The following SIK3 variants were observed in gnomAD, a reference collection of about 807,000 sequenced individuals.
SIK3 encodes the protein SIK family kinase 3.
A neutral mutation model predicts 144.2 loss-of-function variants in SIK3; 28 were observed. The observed-to-expected ratio is 0.19, with a 90% confidence interval of 0.14 to 0.27. SIK3 has a LOEUF of 0.27. Among genes scored for constraint, SIK3 ranks in the 10% least tolerant of loss-of-function variants. The pLI is 1.00. For synonymous variants in SIK3, 686 were observed against 676.3 expected, an observed-to-expected ratio of 1.01 and a Z score of -0.22; for missense variants, 1,319 against 1,776.0, an observed-to-expected ratio of 0.74 and a Z score of 4.62.
At chr11:117,014,929 T>C (rs989444344) in intron 1 of SIK3, among the ~76,000 whole-genome samples, 1 of 152,030 alleles carries the variant, frequency 6.6e-6, no homozygotes, top group African/African-American at 2.4e-5. Context: ...CCGATCACGA[T>C]AGTGTGCACC....
intron 1 of SIK3, among the ~76,000 whole-genome samples, chr11:116,984,930 G>A (rs1950276444): frequency 6.6e-6 from 1 of 152,138 alleles, no homozygotes; most frequent in Non-Finnish European, 1.5e-5. Context: ...CCCAAATAGG[G>A]ACCTACAAAA....
At chr11:117,048,502 C>T (rs1426420243) in intron 1 of SIK3, among the ~76,000 whole-genome samples, 6 of 151,882 alleles carry the variant, frequency 4.0e-5, no homozygotes, top group Non-Finnish European at 7.4e-5. Flanking sequence ...GCTAAAAATA[C>T]AAAATTAGCC....
intron 1 of SIK3, among the ~76,000 whole-genome samples, chr11:117,037,877 T>A (rs1952582003): frequency 6.6e-6 from 1 of 152,222 alleles, no homozygotes; most frequent in Non-Finnish European, 1.5e-5. Flanking sequence ...AGAAACAAGT[T>A]AATTCCTATG....
At position 116,875,964 on chromosome 11, in the gene SIK3, G is replaced by C. The variant is rs369217424; in HGVS notation, c.1141C>G (p.Leu381Val). The C allele has an allele frequency of 5.0e-5, 80 of 1,613,604 alleles. No individual in the cohort carries two copies. The highest frequency in any genetic ancestry group is 6.4e-5 in the Non-Finnish European group (76 of 1,179,920). Residue 381 changes from leucine to valine, a missense_variant, in exon 9 of 25, where the codon CTG becomes GTG. Transcript: ENST00000445177. Reference protein sequence around the residue: ...AYDHYSAIYSLLCDRHKRHKT... With the variant: ...AYDHYSAIYSVLCDRHKRHKT... ...TGTCTCTTATGTCGATCACACAGCA[G>C]GCTGTAGATTGCACTATAGTGATCA...
chr11:116,912,355 G>T (rs1300062471), intron 4 of SIK3, among the ~76,000 whole-genome samples: 4 of 152,270 alleles, frequency 2.6e-5, no homozygotes, highest in African/African-American at 7.2e-5. Flanking sequence ...ATGTGGTAAG[G>T]GAAAAGAGCA....
chr11:116,975,385 C>T (rs1949912473), intron 1 of SIK3, among the ~76,000 whole-genome samples: 1 of 152,058 alleles, frequency 6.6e-6, no homozygotes, highest in Non-Finnish European at 1.5e-5. Context: ...CTCCACCAGC[C>T]CTAGGCAACC....
intron 1 of SIK3, among the ~76,000 whole-genome samples, chr11:117,084,121 A>G (rs1001012750): frequency 2.6e-5 from 4 of 152,182 alleles, no homozygotes; most frequent in Non-Finnish European, 5.9e-5. Context: ...CCTTCACTCA[A>G]CCAACCTGCC....
chr11:116,940,746 T>C (rs1443107602), intron 3 of SIK3, among the ~76,000 whole-genome samples: 1 of 150,772 alleles, frequency 6.6e-6, no homozygotes, highest in Non-Finnish European at 1.5e-5. Context: ...CTCCCCTCCT[T>C]CATCCATGCA....
chr11:116,868,462 G>A (rs561607063), intron 14 of SIK3, among the ~76,000 whole-genome samples: 5 of 152,292 alleles, frequency 3.3e-5, no homozygotes, highest in South Asian at 2.1e-4. Context: ...CAGAGGAAAT[G>A]AGCCCTAAGG....
intron 4 of SIK3, among the ~76,000 whole-genome samples, chr11:116,922,178 A>G (rs1947023098): frequency 6.6e-6 from 1 of 152,226 alleles, no homozygotes; most frequent in South Asian, 2.1e-4. Context: ...TAGTATGGAC[A>G]GTTGTGATAG....
chr11:116,989,764 AT>A (rs966156822), intron 1 of SIK3, among the ~76,000 whole-genome samples: 5 of 152,162 alleles, frequency 3.3e-5, no homozygotes, highest in Non-Finnish European at 7.4e-5. Flanking sequence ...TATCAGGCAG[AT>A]TTTGACACAT....
chr11:116,900,207 A>T (rs573571562), intron 4 of SIK3, among the ~76,000 whole-genome samples: 1 of 152,324 alleles, frequency 6.6e-6, no homozygotes, highest in South Asian at 2.1e-4. Flanking sequence ...CATTAGTGAC[A>T]TCACCACCTG....
intron 4 of SIK3, among the ~76,000 whole-genome samples, chr11:116,904,489 C>T (rs1274119077): frequency 2.0e-5 from 3 of 151,702 alleles, no homozygotes; most frequent in Admixed American, 6.6e-5. Context: ...TTTTTTCCTC[C>T]ACATTTAAAA....
At chr11:117,021,948 A>AAAAAAAAAAAAC (rs1951790924) in intron 1 of SIK3, among the ~76,000 whole-genome samples, 1 of 127,914 alleles carries the variant, frequency 7.8e-6, no homozygotes, top group African/African-American at 3.4e-5. Context: ...AAAAAAAAAA[A>AAAAAAAAAAAAC]AAAAAAAAAA....
At chr11:117,015,483 C>T (rs1951481649) in intron 1 of SIK3, among the ~76,000 whole-genome samples, 2 of 152,112 alleles carry the variant, frequency 1.3e-5, no homozygotes, top group African/African-American at 4.8e-5. Flanking sequence ...ACGATCTTGG[C>T]TCACTGCAAC....
intron 1 of SIK3, among the ~76,000 whole-genome samples, chr11:117,011,932 C>T (rs1310482019): frequency 2.6e-5 from 4 of 152,132 alleles, no homozygotes; most frequent in Admixed American, 2.6e-4. Context: ...CATAAAGTTT[C>T]CTGCTTGGCG....
intron 4 of SIK3, among the ~76,000 whole-genome samples, chr11:116,926,309 TA>T (rs1260885865): frequency 6.6e-6 from 1 of 152,228 alleles, no homozygotes; most frequent in Non-Finnish European, 1.5e-5. Flanking sequence ...TGCAGTCACT[TA>T]ATTTTATTAG....
intron 4 of SIK3, among the ~76,000 whole-genome samples, chr11:116,913,909 C>T (rs199716562): frequency 7.8e-6 from 1 of 127,860 alleles, no homozygotes; most frequent in South Asian, 2.5e-4. Flanking sequence ...AACAAATAAA[C>T]AAAAAACCAC....
intron 6 of SIK3, among the ~76,000 whole-genome samples, chr11:116,889,953 A>C (rs1945017111): frequency 6.6e-6 from 1 of 152,186 alleles, no homozygotes; most frequent in African/African-American, 2.4e-5. Context: ...AAACAAATGT[A>C]ATTATTTGAT....
Sources: allele counts gnomAD v4.1 joint callset (sites outside exome capture counted in the v4.1 genomes callset), GRCh38; gene constraint gnomAD v4.1.1; transcripts MANE v1.5; gene names NCBI Gene and HGNC (gene_info 2026-07-23, HGNC 2026-07-21).